The following CNTN5 variants were observed in gnomAD, a reference collection of about 807,000 sequenced individuals.
CNTN5 encodes contactin 5.
A neutral mutation model predicts 129.1 loss-of-function variants in CNTN5; 77 were observed. The observed-to-expected ratio is 0.60, with a 90% CI of 0.50 to 0.72. CNTN5 has a LOEUF of 0.72. Ranked by LOEUF, CNTN5 falls within the 30% of genes least tolerant of loss-of-function variation. The pLI is 0.00. For missense variants in CNTN5, 1,478 were observed against 1,328.8 expected, an observed-to-expected ratio of 1.11 and a Z score of -1.75; for synonymous variants, 509 against 465.6, an observed-to-expected ratio of 1.09 and a Z score of -1.20.
chr11:99,623,307 C>T (rs654495), intron 3 of CNTN5, among the ~76,000 whole-genome samples: 67,507 of 151,754 alleles, frequency 0.44, 15,376 homozygotes, highest in Admixed American at 0.58. Context: ...GTAGCAATAA[C>T]TTAAGCTCAA....
At chr11:99,972,360 C>G (rs760848445) in intron 8 of CNTN5, among the ~76,000 whole-genome samples, 110 of 152,240 alleles carry the variant, frequency 7.2e-4, no homozygotes, top group Non-Finnish European at 1.2e-3. Flanking sequence ...TAGAAAGCAG[C>G]CTTTTTTCAC....
intron 8 of CNTN5, among the ~76,000 whole-genome samples, chr11:99,997,942 A>C (rs1226800090): frequency 1.3e-5 from 2 of 152,354 alleles, no homozygotes; most frequent in Non-Finnish European, 2.9e-5. Context: ...AAGGCCTTTG[A>C]CAAAATTCAA....
chr11:99,281,408 C>A (rs1018628208), intron 1 of CNTN5, among the ~76,000 whole-genome samples: 1 of 151,972 alleles, frequency 6.6e-6, no homozygotes, highest in African/African-American at 2.4e-5. Context: ...ATTTCTGTAA[C>A]ACTGATGTAA....
intron 1 of CNTN5, among the ~76,000 whole-genome samples, chr11:99,206,861 T>C (rs978003109): frequency 3.9e-5 from 6 of 152,150 alleles, no homozygotes; most frequent in Admixed American, 1.3e-4. Flanking sequence ...AAAGTTTACT[T>C]CCGTATGTGA....
At chr11:100,124,512 C>T (rs183721968) in intron 13 of CNTN5, among the ~76,000 whole-genome samples, 14 of 151,886 alleles carry the variant, frequency 9.2e-5, no homozygotes, top group South Asian at 2.1e-4. Context: ...GAGAAGCCAC[C>T]AGGAAAATTT....
At chr11:99,505,310 C>T (rs1946577764) in intron 2 of CNTN5, among the ~76,000 whole-genome samples, 1 of 152,144 alleles carries the variant, frequency 6.6e-6, no homozygotes. Flanking sequence ...TAGAAATTAT[C>T]TGTACAAATT....
intron 2 of CNTN5, among the ~76,000 whole-genome samples, chr11:99,533,464 G>C (rs1405558581): frequency 6.6e-6 from 1 of 152,162 alleles, no homozygotes; most frequent in Non-Finnish European, 1.5e-5. Context: ...TGTAAATCTT[G>C]CCTCCTCACT....
intron 1 of CNTN5, among the ~76,000 whole-genome samples, chr11:99,291,187 GCC>G (rs1864156570): frequency 6.6e-6 from 1 of 151,876 alleles, no homozygotes; most frequent in Non-Finnish European, 1.5e-5. Context: ...TTCTAGTGAG[GCC>G]ATATTTGGAT....
At chr11:99,900,846 T>C (rs1207171276) in intron 6 of CNTN5, among the ~76,000 whole-genome samples, 4 of 152,190 alleles carry the variant, frequency 2.6e-5, no homozygotes, top group Non-Finnish European at 5.9e-5. Context: ...TTTATTTACA[T>C]CTTAATACTC....
chr11:100,157,405 G>A (rs1947284214), intron 13 of CNTN5, among the ~76,000 whole-genome samples: 1 of 151,656 alleles, frequency 6.6e-6, no homozygotes, highest in African/African-American at 2.4e-5. Flanking sequence ...GAATAAATAT[G>A]CTAAAATGGG....
chr11:100,075,763 AG>A (rs1296267585), intron 13 of CNTN5, among the ~76,000 whole-genome samples: 2 of 152,134 alleles, frequency 1.3e-5, no homozygotes, highest in African/African-American at 4.8e-5. Flanking sequence ...GCTTTGACGA[AG>A]GGAAGTTATA....
intron 16 of CNTN5, among the ~76,000 whole-genome samples, chr11:100,246,577 A>T (rs1017542271): frequency 6.6e-6 from 1 of 152,158 alleles, no homozygotes; most frequent in Non-Finnish European, 1.5e-5. Flanking sequence ...TGCTCATCAC[A>T]GTTTGAAAGT....
At chr11:99,563,312 G>A (rs1948900376) in intron 3 of CNTN5, among the ~76,000 whole-genome samples, 1 of 152,156 alleles carries the variant, frequency 6.6e-6, no homozygotes, top group South Asian at 2.1e-4. Flanking sequence ...AGGAAAATTA[G>A]ACAATTATTG....
intron 2 of CNTN5, among the ~76,000 whole-genome samples, chr11:99,534,212 A>T (rs1947817205): frequency 6.6e-6 from 1 of 152,212 alleles, no homozygotes; most frequent in South Asian, 2.1e-4. Context: ...GATACTGAGT[A>T]TATTAAAAAT....
At chr11:99,700,623 A>G (rs1482290080) in intron 3 of CNTN5, among the ~76,000 whole-genome samples, 1 of 151,444 alleles carries the variant, frequency 6.6e-6, no homozygotes, top group Non-Finnish European at 1.5e-5. Flanking sequence ...TTCAAAAATA[A>G]TAAAAGCCTT....
chr11:100,272,995 C>T (rs1047116061), intron 18 of CNTN5, among the ~76,000 whole-genome samples: 1 of 152,072 alleles, frequency 6.6e-6, no homozygotes, highest in Admixed American at 6.5e-5. Flanking sequence ...TCGATTTGCT[C>T]CATAGGAGAC....
rs1256912530 is a variant in CNTN5, at chr11:99,282,330, G to A, written c.-209-43016G>A. 2.6e-5 allele frequency among the ~76,000 whole-genome samples: 4 copies of A among 151,992 alleles called. No homozygotes were observed. The East Asian group carries it at 5.8e-4, about 22-fold the overall frequency. On this transcript the variant is annotated intron_variant, in intron 1 of 24. Transcript: ENST00000524871. Reference sequence around the variant, plus strand: ...ATTGTGGGGCCATGCTGAGTACTACGGTAAGGTTCACTCAGAAGACAAGAT... The same window carrying A: ...ATTGTGGGGCCATGCTGAGTACTACAGTAAGGTTCACTCAGAAGACAAGAT...
chr11:99,796,928 T>C (rs1310647822), intron 3 of CNTN5, among the ~76,000 whole-genome samples: 1 of 152,064 alleles, frequency 6.6e-6, no homozygotes, highest in Non-Finnish European at 1.5e-5. Flanking sequence ...CAGGGGTCAG[T>C]TGTGAGGGCA....
chr11:99,457,345 T>C (rs764456224), intron 2 of CNTN5, among the ~76,000 whole-genome samples: 1 of 151,882 alleles, frequency 6.6e-6, no homozygotes, highest in Non-Finnish European at 1.5e-5. Flanking sequence ...AAATAGATAT[T>C]ATATTATGCA....
Sources: gnomAD v4.1 joint callset for allele counts (sites outside exome capture counted in the v4.1 genomes callset) on GRCh38, gnomAD v4.1.1 for gene constraint, MANE v1.5 for transcripts, NCBI Gene and HGNC (gene_info 2026-07-23, HGNC 2026-07-21) for gene names.